The following PRKN variants were observed in gnomAD, a reference collection of about 807,000 sequenced individuals.
The protein encoded by PRKN is E3 ubiquitin-protein ligase parkin.
In PRKN, 56 loss-of-function variants were observed where a neutral mutation model predicts 59.5. That is an observed-to-expected ratio of 0.94 (90% CI 0.76 to 1.18). The LOEUF (loss-of-function observed/expected upper bound fraction) is 1.18, where lower values mean the gene tolerates loss of function less well. Ranked by LOEUF, PRKN falls within the 50% of genes most tolerant of loss-of-function variation. PRKN has a pLI of 0.00. For synonymous variants in PRKN, 250 were observed against 222.1 expected, an observed-to-expected ratio of 1.13 and a Z score of -1.12; for missense variants, 657 against 596.4, an observed-to-expected ratio of 1.10 and a Z score of -1.06.
chr6:162,301,707 T>G (rs889756384), intron 2 of PRKN, among the ~76,000 whole-genome samples: 1 of 145,292 alleles, frequency 6.9e-6, no homozygotes, highest in Non-Finnish European at 1.5e-5. Context: ...TTAACATGAA[T>G]TGCCTTGGTA....
intron 1 of PRKN, among the ~76,000 whole-genome samples, chr6:162,552,636 T>C (rs893010854): frequency 3.9e-5 from 6 of 152,120 alleles, no homozygotes; most frequent in African/African-American, 1.4e-4. Context: ...TTGAGAAACA[T>C]CCGCGTGGAG....
intron 3 of PRKN, among the ~76,000 whole-genome samples, chr6:162,248,051 C>T (rs4709587): frequency 0.16 from 23,693 of 152,122 alleles, 2,188 homozygotes; most frequent in South Asian, 0.26. Flanking sequence ...CCCACAGGCT[C>T]CCTGGAGAGA....
At chr6:161,857,797 A>G (rs985706783) in intron 6 of PRKN, among the ~76,000 whole-genome samples, 8 of 152,198 alleles carry the variant, frequency 5.3e-5, no homozygotes, top group Admixed American at 5.2e-4. Context: ...TCAAGTAATG[A>G]TCACTTCCAG....
chr6:162,355,089 T>C (rs1339526812), intron 2 of PRKN, among the ~76,000 whole-genome samples: 1 of 151,940 alleles, frequency 6.6e-6, no homozygotes, highest in African/African-American at 2.4e-5. Context: ...GTCTACAGGT[T>C]TGAATTTCTC....
intron 7 of PRKN, among the ~76,000 whole-genome samples, chr6:161,708,997 T>A (rs371708818): frequency 6.6e-6 from 1 of 152,366 alleles, no homozygotes; most frequent in East Asian, 1.9e-4. Context: ...CTATGACAAC[T>A]GAGCACTTGA....
intron 1 of PRKN, among the ~76,000 whole-genome samples, chr6:162,614,890 T>C (rs1008347176): frequency 6.6e-6 from 1 of 152,208 alleles, no homozygotes; most frequent in South Asian, 2.1e-4. Flanking sequence ...CTCCACACTG[T>C]AAATAACAAT....
chr6:161,942,506 G>A (rs1268385590), intron 6 of PRKN, among the ~76,000 whole-genome samples: 1 of 152,094 alleles, frequency 6.6e-6, no homozygotes, highest in Non-Finnish European at 1.5e-5. Context: ...ATTCCAGCTT[G>A]GGCGACAGAG....
chr6:161,936,711 G>A (rs1482256269), intron 6 of PRKN, among the ~76,000 whole-genome samples: 2 of 151,900 alleles, frequency 1.3e-5, no homozygotes, highest in Non-Finnish European at 2.9e-5. Flanking sequence ...GGGCAAATAT[G>A]CAAGTTTCAA....
chr6:162,299,878 T>C (rs1781863712), intron 2 of PRKN, among the ~76,000 whole-genome samples: 1 of 152,112 alleles, frequency 6.6e-6, no homozygotes, highest in South Asian at 2.1e-4. Context: ...ACATAAAATC[T>C]GAATCAATGT....
chr6:162,558,637 C>CT (rs1194621441), intron 1 of PRKN, among the ~76,000 whole-genome samples: 255 of 144,166 alleles, frequency 1.8e-3, no homozygotes, highest in South Asian at 0.012. Context: ...CAATTTTCTA[C>CT]TTTTTTTTTT....
intron 5 of PRKN, among the ~76,000 whole-genome samples, chr6:162,047,155 T>A (rs990998677): frequency 6.6e-6 from 1 of 152,190 alleles, no homozygotes; most frequent in Non-Finnish European, 1.5e-5. Context: ...AAAACATGAC[T>A]GTGGGGACCA....
rs566245804 is a variant in PRKN at position 161,545,397 on chromosome 6, C to G, written c.1083+3457G>C. The G allele has an allele frequency of 4.4e-5, 71 of 1,612,542 alleles. No homozygotes were observed. In the East Asian group the frequency reaches 9.1e-4, roughly 21 times the overall value. On this transcript the variant is annotated intron_variant, in intron 9 of 11. Coordinates refer to ENST00000366898, the MANE Select transcript of PRKN (RefSeq NM_004562.3). The surrounding 1 kb of genome is among the most constrained non-coding windows in gnomAD (Gnocchi z 4.1). The stretch of plus-strand genomic sequence containing the variant: ...AACGATGTATTGAATGAGGCACTCA[C>G]TTCTCCCTGAGGCAGCTTATTTTGT...
chr6:162,691,708 T>C (rs1777780969), intron 1 of PRKN, among the ~76,000 whole-genome samples: 1 of 152,190 alleles, frequency 6.6e-6, no homozygotes, highest in Non-Finnish European at 1.5e-5. Context: ...TCATGCACGA[T>C]TCTAATACTT....
At position 161,499,370 on chromosome 6, in the gene PRKN, T is replaced by C. The variant is rs1777873541; in HGVS notation, c.1083+49484A>G. ...CTATCAAAAGTGGGAAAGGGCTGTG[T>C]TTTTCTAAAAGTAAGAGAAAGAGTG... On this transcript the variant is annotated intron_variant, in intron 9 of 11. Coordinates refer to ENST00000366898, the MANE Select transcript of PRKN (RefSeq NM_004562.3). The surrounding 1 kb of genome is among the most constrained non-coding windows in gnomAD (Gnocchi z 4.2). Among the ~76,000 whole-genome samples the C allele has an allele frequency of 2.0e-5, 3 of 152,184 alleles. No homozygotes were observed. The highest frequency in any genetic ancestry group is 2.1e-4 in the South Asian group (1 of 4,834).
chr6:162,523,425 G>A (rs1177998658), intron 1 of PRKN, among the ~76,000 whole-genome samples: 1 of 152,174 alleles, frequency 6.6e-6, no homozygotes, highest in Non-Finnish European at 1.5e-5. Flanking sequence ...CTCTTTGGGA[G>A]GCCGAAGTGG....
intron 3 of PRKN, among the ~76,000 whole-genome samples, chr6:162,216,410 G>A (rs1393210834): frequency 1.3e-5 from 2 of 151,008 alleles, no homozygotes; most frequent in Non-Finnish European, 3.0e-5. Flanking sequence ...GGCGCCTGTA[G>A]TCCCAGCTAC....
At chr6:162,035,193 C>T (rs1441356562) in intron 5 of PRKN, among the ~76,000 whole-genome samples, 5 of 152,212 alleles carry the variant, frequency 3.3e-5, no homozygotes, top group Non-Finnish European at 7.4e-5. Context: ...AGAGGCTAGG[C>T]TCTTTTTAAC....
At chr6:161,416,054 A>C (rs983146714) in intron 9 of PRKN, among the ~76,000 whole-genome samples, 8 of 152,004 alleles carry the variant, frequency 5.3e-5, no homozygotes, top group Admixed American at 2.0e-4. Flanking sequence ...CTCCCACCCC[A>C]GGCGCAGCAG....
Position 161,683,742 on chromosome 6 carries a change from A to T in PRKN, c.871+102030T>A, listed in dbSNP as rs548778293. ...AAGGCTTACTGCTGTGACCATGGCC[A>T]TATTGATAGCTGTAGGCAGGCTGTT... On this transcript the variant is annotated intron_variant, in intron 7 of 11. Coordinates refer to ENST00000366898, the MANE Select transcript of PRKN (RefSeq NM_004562.3). Among the ~76,000 whole-genome samples the T allele has an allele frequency of 3.9e-5, 6 of 152,302 alleles. No homozygotes were observed. The East Asian group carries it at 9.7e-4, about 25-fold the overall frequency.
Sources: allele counts gnomAD v4.1 joint callset (sites outside exome capture counted in the v4.1 genomes callset), GRCh38; gene constraint gnomAD v4.1.1; non-coding constraint Gnocchi (gnomAD v3.1); transcripts MANE v1.5; gene names NCBI Gene and HGNC (gene_info 2026-07-23, HGNC 2026-07-21).